Variants in ENPP2 observed in about 807,000 individuals in gnomAD.
ENPP2 encodes the protein ectonucleotide pyrophosphatase/phosphodiesterase 2.
A neutral mutation model predicts 120.2 loss-of-function variants in ENPP2; 51 were observed. The observed-to-expected ratio is 0.42, with a 90% CI of 0.34 to 0.54. ENPP2 has a LOEUF of 0.54. ENPP2 is among the 20% of genes least tolerant of loss of function. The probability of loss-of-function intolerance (pLI) is 0.04; values close to 1 mark genes in which losing one functional copy is unlikely to be tolerated. For missense variants in ENPP2, 920 were observed against 1,066.5 expected (o/e 0.86, Z 1.91); for synonymous variants, 365 against 366.4 (o/e 1.00, Z 0.04).
chr8:119,644,587 AATATATAT>A (rs33966650), intron 1 of ENPP2, among the ~76,000 whole-genome samples: 1,179 of 60,004 alleles, frequency 0.02, 31 homozygotes, highest in Middle Eastern at 0.022. Context: ...AGATTACTAA[AATATATAT>A]ATATATATAT....
At chr8:119,611,630 G>A (rs1336001751) in intron 8 of ENPP2, among the ~76,000 whole-genome samples, 4 of 152,270 alleles carry the variant, frequency 2.6e-5, no homozygotes, top group African/African-American at 9.6e-5. Flanking sequence ...ACACAATAGC[G>A]GAGCCAGGCT....
At chr8:119,604,236 C>T (rs1481331487) in intron 9 of ENPP2, among the ~76,000 whole-genome samples, 1 of 152,040 alleles carries the variant, frequency 6.6e-6, no homozygotes, top group Non-Finnish European at 1.5e-5. Flanking sequence ...CCATGTTGGC[C>T]AGGCTGGTTT....
chr8:119,625,057 T>C (rs1816176465), intron 3 of ENPP2, among the ~76,000 whole-genome samples: 1 of 152,182 alleles, frequency 6.6e-6, no homozygotes, highest in Non-Finnish European at 1.5e-5. Flanking sequence ...AGGGATTCAT[T>C]ACATTTTGCA....
intron 18 of ENPP2, among the ~76,000 whole-genome samples, chr8:119,581,903 T>A (rs142041749): frequency 6.4e-4 from 98 of 152,074 alleles, no homozygotes; most frequent in African/African-American, 2.2e-3. Flanking sequence ...GCTAATTTTT[T>A]TGTGTTTTTA....
At chr8:119,565,606 T>C (rs1164899850) in intron 22 of ENPP2, among the ~76,000 whole-genome samples, 2 of 152,240 alleles carry the variant, frequency 1.3e-5, no homozygotes, top group African/African-American at 2.4e-5. Flanking sequence ...CTTTCTCTCC[T>C]AGCTATAGAC....
intron 2 of ENPP2, among the ~76,000 whole-genome samples, chr8:119,634,618 C>G (rs1816889498): frequency 1.3e-5 from 2 of 152,142 alleles, no homozygotes; most frequent in South Asian, 4.1e-4. Flanking sequence ...ATCTCTAGGC[C>G]TTGTATGAGT....
intron 23 of ENPP2, 59 bp downstream of exon 23, chr8:119,564,764 T>C: frequency 6.5e-7 from 1 of 1,527,928 alleles, no homozygotes; most frequent in Non-Finnish European, 8.9e-7. Context: ...TTTGAAAAAC[T>C]TCTTGAGTGA....
At chr8:119,647,668 T>C (rs1445437659) in intron 1 of ENPP2, among the ~76,000 whole-genome samples, 1 of 152,124 alleles carries the variant, frequency 6.6e-6, no homozygotes, top group African/African-American at 2.4e-5. Flanking sequence ...CATAAATTCT[T>C]AGAGAGCAGG....
chr8:119,673,066 G>C (rs1476383221), intron 1 of ENPP2, among the ~76,000 whole-genome samples: 2 of 152,232 alleles, frequency 1.3e-5, no homozygotes, highest in African/African-American at 4.8e-5. Context: ...AACTTGAAAT[G>C]AGTTGAGCTC....
intron 1 of ENPP2, among the ~76,000 whole-genome samples, chr8:119,652,108 G>A (rs765145913): frequency 1.3e-5 from 2 of 152,074 alleles, no homozygotes; most frequent in African/African-American, 4.8e-5. Context: ...GGAGGTTTAC[G>A]ATCAAGGCAC....
chr8:119,641,971 T>C (rs1173825386), upstream of ENPP2, among the ~76,000 whole-genome samples: 1 of 152,192 alleles, frequency 6.6e-6, no homozygotes, highest in Admixed American at 6.5e-5. Context: ...TCTTATCCAC[T>C]GAGAGGAGGA....
chr8:119,632,193 T>C (rs16892900), intron 2 of ENPP2, among the ~76,000 whole-genome samples: 22,936 of 152,240 alleles, frequency 0.15, 2,113 homozygotes, highest in African/African-American at 0.26. Context: ...GCACTTCAGA[T>C]GTGTAACTTA....
chr8:119,578,441 C>T (rs1298461957), intron 19 of ENPP2: 9 of 152,170 alleles, frequency 5.9e-5, no homozygotes, highest in African/African-American at 2.2e-4. Flanking sequence ...ATGTTTTTCT[C>T]AGACAGAAAT....
chr8:119,642,572 T>C (rs116454693), upstream of ENPP2, among the ~76,000 whole-genome samples: 32 of 152,350 alleles, frequency 2.1e-4, no homozygotes, highest in African/African-American at 7.7e-4. Context: ...GTTGAATTGT[T>C]TGGCCTAATT....
Position 119,635,064 on chromosome 8 carries a change from C to T in ENPP2, c.136+3361G>A, listed in dbSNP as rs1279672815. On this transcript the variant is annotated intron_variant, in intron 2 of 24. Coordinates refer to ENST00000075322, the MANE Select transcript of ENPP2 (RefSeq NM_001040092.3). ...ACAGAGCAAATGGCTGATCTACGTCCCCTTTACAGTTTCCTGCATTCTCCC... is the reference window on the plus strand; with the variant it reads ...ACAGAGCAAATGGCTGATCTACGTCTCCTTTACAGTTTCCTGCATTCTCCC... Among the ~76,000 whole-genome samples the T allele has an allele frequency of 2.0e-5, 3 of 152,152 alleles. No individual in the cohort carries two copies. In the East Asian group the frequency reaches 5.8e-4, roughly 29 times the overall value.
intron 8 of ENPP2, among the ~76,000 whole-genome samples, chr8:119,615,444 T>C (rs915804550): frequency 6.6e-6 from 1 of 152,212 alleles, no homozygotes; most frequent in Non-Finnish European, 1.5e-5. Flanking sequence ...GCTTTGCTCA[T>C]GTCTGACCAA....
intron 2 of ENPP2, among the ~76,000 whole-genome samples, chr8:119,630,798 A>G (rs1383443482): frequency 1.3e-5 from 2 of 152,332 alleles, no homozygotes; most frequent in Non-Finnish European, 2.9e-5. Flanking sequence ...TCAGCTGAGA[A>G]TGACAGGAAA....
intron 2 of ENPP2, among the ~76,000 whole-genome samples, chr8:119,633,730 C>T (rs1266270304): frequency 6.6e-6 from 1 of 151,952 alleles, no homozygotes; most frequent in African/African-American, 2.4e-5. Flanking sequence ...AGTATCTTTG[C>T]TTCCTAAATA....
intron 20 of ENPP2, 120 bp downstream of exon 20, chr8:119,570,585 T>TC: frequency 1.7e-6 from 1 of 590,312 alleles, no homozygotes. Flanking sequence ...ACATAGGATT[T>TC]CTGTCATTAA....
Sources: gnomAD v4.1 joint callset for allele counts (sites outside exome capture counted in the v4.1 genomes callset) on GRCh38, gnomAD v4.1.1 for gene constraint, MANE v1.5 for transcripts, NCBI Gene and HGNC (gene_info 2026-07-23, HGNC 2026-07-21) for gene names.